The following TMIE variants were observed in gnomAD, a reference collection of about 807,000 sequenced individuals.
The protein encoded by TMIE is transmembrane inner ear expressed protein.
TMIE carries 14 observed loss-of-function variants against 16.8 expected under a neutral mutation model. The observed-to-expected ratio is 0.83, with a 90% CI of 0.55 to 1.30. The LOEUF (loss-of-function observed/expected upper bound fraction) is 1.30, where lower values mean the gene tolerates loss of function less well. Among genes scored for constraint, TMIE ranks in the 50% most tolerant of loss-of-function variants. TMIE has a pLI of 0.00. For missense variants in TMIE, 204 were observed against 205.9 expected (o/e 0.99, Z 0.06); for synonymous variants, 75 against 87.2 (o/e 0.86, Z 0.78).
At position 46,701,640 on chromosome 3, in the gene TMIE, G is replaced by C; in HGVS notation, c.93+60G>C. 3 of 1,207,358 alleles carry C rather than the reference G, an allele frequency of 2.5e-6. No homozygotes were observed. Among genetic ancestry groups the C allele is most frequent in the Non-Finnish European group, 3.1e-6 (3 of 954,128 alleles). 74.8% of individuals were successfully genotyped at this position (1,207,358 alleles called of 1,614,324 possible). On this transcript the variant is annotated intron_variant, in intron 1 of 3. Transcript: ENST00000643606. The surrounding 1 kb of genome is among the most constrained non-coding windows in gnomAD (Gnocchi z 4.3). ...TCACCCTCCAGGCAGGGGGCTGGGG[G>C]AGAGGGGACGCCTTTTTGATCCGGA...
At chr3:46,695,111 C>T (rs1700377778) in intron 1 of TMIE, among the ~76,000 whole-genome samples, 1 of 152,222 alleles carries the variant, frequency 6.6e-6, no homozygotes, top group Non-Finnish European at 1.5e-5. Context: ...CCCCACTCCC[C>T]TTCACAGCCC....
At chr3:46,699,060 A>ATTTT (rs397951323), upstream of TMIE, among the ~76,000 whole-genome samples, 198 of 84,866 alleles carry the variant, frequency 2.3e-3, 15 homozygotes, top group Middle Eastern at 9.3e-3. Context: ...GGTGTTTCTT[A>ATTTT]TTTTTTTTTT....
chr3:46,701,036 C>G (rs184758218), upstream of TMIE, among the ~76,000 whole-genome samples: 1 of 151,994 alleles, frequency 6.6e-6, no homozygotes, highest in East Asian at 1.9e-4. This position sits in a 1 kb window ranked among gnomAD's most constrained non-coding sequence, Gnocchi z 4.3. Flanking sequence ...GCTCTGCCCC[C>G]CCCCCAAACT....
chr3:46,709,502 G>T (rs1354745630), intron 3 of TMIE, 77 bp from the exon 4 acceptor site: 28 of 1,613,464 alleles, frequency 1.7e-5, no homozygotes, highest in Non-Finnish European at 2.3e-5. Context: ...AGGTTCTGGG[G>T]CTCTTCCCCT....
chr3:46,701,700 C>A lies in TMIE; in HGVS notation c.93+120C>A. The stretch of plus-strand genomic sequence containing the variant: ...ATCCCTTACTCTTGCCCTGAGAGAT[C>A]CAGTCTCCCGGGCGATGCAGCCCTG... On this transcript the variant is annotated intron_variant, in intron 1 of 3. Transcript: ENST00000643606. This position sits in a 1 kb window ranked among gnomAD's most constrained non-coding sequence, Gnocchi z 4.3. 1.2e-6 allele frequency: 1 copy of A among 842,234 alleles called. No homozygotes were observed. The highest frequency in any genetic ancestry group is 1.6e-6 in the Non-Finnish European group (1 of 629,778). 52.2% of individuals were successfully genotyped at this position (842,234 alleles called of 1,614,324 possible).
At chr3:46,705,754 T>C (rs1700543201) in intron 1 of TMIE, 36 bp from the exon 2 acceptor site, 4 of 1,598,724 alleles carry the variant, frequency 2.5e-6, no homozygotes, top group Non-Finnish European at 3.4e-6. Context: ...CCAGCTGGCC[T>C]CTGCCTAACT....
chr3:46,706,359 C>T lies in TMIE; in HGVS notation c.211+452C>T, dbSNP rs999663193. ...CCCTGCCTTGTCAAATACCATTTTC[C>T]GGGAGTGACTCACACCCGCCTCAAT... On this transcript the variant is annotated intron_variant, in intron 2 of 3. Transcript: ENST00000643606. 7.2e-5 allele frequency among the ~76,000 whole-genome samples: 11 copies of T among 152,282 alleles called. 1 individual carries two copies. The highest frequency in any genetic ancestry group is 6.2e-4 in the South Asian group (3 of 4,822).
At chr3:46,708,231 C>T (rs1700576396) in intron 2 of TMIE, among the ~76,000 whole-genome samples, 1 of 152,130 alleles carries the variant, frequency 6.6e-6, no homozygotes, top group African/African-American at 2.4e-5. Flanking sequence ...ATAAAATGAC[C>T]CCAGAAGGTA....
intron 1 of TMIE, among the ~76,000 whole-genome samples, chr3:46,702,374 G>C (rs1005147352): frequency 6.6e-6 from 1 of 152,132 alleles, no homozygotes; most frequent in Non-Finnish European, 1.5e-5. Context: ...CCCTGGTGGA[G>C]AGCCTGGCTG....
chr3:46,709,857 A>C lies in TMIE; in HGVS notation c.*169A>C. 7.3e-7 allele frequency: 1 copy of C among 1,369,660 alleles called. No homozygotes were observed. Among genetic ancestry groups the C allele is most frequent in the Non-Finnish European group, 1.0e-6 (1 of 1,001,826 alleles). The allele number at this position is 1,369,660 out of a possible 1,614,324, so 84.8% of individuals were successfully genotyped here. A position where few individuals can be genotyped will look rare whatever the true frequency, so the allele number is the denominator to read the frequency against. On this transcript the variant is annotated 3_prime_UTR_variant, in exon 4 of 4. Coordinates refer to ENST00000643606, the MANE Select transcript of TMIE (RefSeq NM_147196.3). ...GCCCATCAGGGGCAGGAACCAGACA[A>C]TCTCGTAGGTGTCCTGCCCCCCAGC...
upstream of TMIE, among the ~76,000 whole-genome samples, chr3:46,696,876 G>A (rs758832597): frequency 1.3e-5 from 2 of 152,178 alleles, no homozygotes; most frequent in Non-Finnish European, 2.9e-5. Context: ...AAGGGTGGGG[G>A]ACTTGGAGTC....
At chr3:46,704,810 C>A (rs1241774862) in intron 1 of TMIE, among the ~76,000 whole-genome samples, 3 of 141,778 alleles carry the variant, frequency 2.1e-5, no homozygotes, top group East Asian at 2.1e-4. Flanking sequence ...TGAAGCATGT[C>A]CCCTAGACAC....
At position 46,705,999 on chromosome 3, in the gene TMIE, A is replaced by G. The variant is rs1700548514; in HGVS notation, c.211+92A>G. On this transcript the variant is annotated intron_variant, in intron 2 of 3. Coordinates refer to ENST00000643606, the MANE Select transcript of TMIE (RefSeq NM_147196.3). ...AGGGCTCAGAGCAGCAATTCCGGGC[A>G]GTGCAAGTAGGCCAGGCACCCGCAG... 3.7e-6 allele frequency: 5 copies of G among 1,348,654 alleles called. No individual in the cohort carries two copies. The East Asian group carries it at 1.1e-4, about 31-fold the overall frequency. 83.5% of individuals were successfully genotyped at this position (1,348,654 alleles called of 1,614,324 possible). A position where few individuals can be genotyped will look rare whatever the true frequency, so the allele number is the denominator to read the frequency against.
chr3:46,701,492 C>G lies in TMIE; in HGVS notation c.5C>G (p.Ala2Gly), dbSNP rs763690714. MAGWPGAGPLCV... is the reference protein window; with the variant it reads MGGWPGAGPLCV... ...AAGCGGCGCGGTGGCACGAAGATGG[C>G]GGGGTGGCCGGGCGCGGGTCCCCTC... is the stretch of plus-strand genomic sequence containing the variant. The change falls in exon 1 of 4, where the codon GCG (alanine) becomes GGG (glycine). Residue 2 changes from alanine to glycine, a missense_variant. By Grantham distance (60) the Ala-to-Gly change is moderately conservative (BLOSUM62 0). Coordinates refer to ENST00000643606, the MANE Select transcript of TMIE (RefSeq NM_147196.3). The surrounding 1 kb of genome is among the most constrained non-coding windows in gnomAD (Gnocchi z 4.3). 3.7e-5 allele frequency: 50 copies of G among 1,346,340 alleles called. No individual in the cohort carries two copies. Among genetic ancestry groups the G allele is most frequent in the South Asian group, 1.7e-4 (9 of 54,150 alleles). The allele number at this position is 1,346,340 out of a possible 1,614,324, so 83.4% of individuals were successfully genotyped here. A position where few individuals can be genotyped will look rare whatever the true frequency, so the allele number is the denominator to read the frequency against.
intron 1 of TMIE, among the ~76,000 whole-genome samples, chr3:46,703,360 G>T (rs1366150147): frequency 1.3e-5 from 2 of 152,204 alleles, no homozygotes; most frequent in Non-Finnish European, 2.9e-5. Context: ...TGTGTAGGAA[G>T]TGAGCTGCCT....
chr3:46,699,057 C>CT (rs1246748003), upstream of TMIE, among the ~76,000 whole-genome samples: 2,229 of 65,056 alleles, frequency 0.034, 121 homozygotes, highest in South Asian at 0.12. Context: ...AATGGTGTTT[C>CT]TTATTTTTTT....
intron 1 of TMIE, among the ~76,000 whole-genome samples, chr3:46,704,386 G>T (rs550250249): frequency 5.4e-5 from 8 of 147,538 alleles, no homozygotes; most frequent in African/African-American, 2.0e-4. Context: ...AGACACTCAG[G>T]GTGGACTATG....
upstream of TMIE, among the ~76,000 whole-genome samples, chr3:46,697,732 G>A (rs914415666): frequency 6.6e-6 from 1 of 151,986 alleles, no homozygotes; most frequent in Non-Finnish European, 1.5e-5. Context: ...TGGGAACTGA[G>A]GCCTCAATCT....
chr3:46,708,654 G>A (rs1028964459), intron 2 of TMIE, among the ~76,000 whole-genome samples: 2 of 152,238 alleles, frequency 1.3e-5, no homozygotes, highest in Non-Finnish European at 2.9e-5. Context: ...CCTCAGGGAG[G>A]CTGAGGAGGA....
Sources: gnomAD v4.1 joint callset for allele counts (sites outside exome capture counted in the v4.1 genomes callset) on GRCh38, gnomAD v4.1.1 for gene constraint, Gnocchi (gnomAD v3.1) non-coding constraint, MANE v1.5 for transcripts, NCBI Gene and HGNC (gene_info 2026-07-23, HGNC 2026-07-21) for gene names.